CERCAM: variants seen among roughly 807,000 people sequenced by gnomAD.
CERCAM encodes inactive glycosyltransferase 25 family member 3.
Under a neutral mutation model 66.0 loss-of-function variants are expected in CERCAM, and 59 were observed. That is an observed-to-expected ratio of 0.89 (90% CI 0.73 to 1.11). The LOEUF (loss-of-function observed/expected upper bound fraction) is 1.11. Ranked by LOEUF, CERCAM falls within the 50% of genes most tolerant of loss-of-function variation. The pLI, the probability that CERCAM is intolerant of heterozygous loss-of-function variation, is 0.00. For synonymous variants in CERCAM, 318 were observed against 343.6 expected, an observed-to-expected ratio of 0.93 and a Z score of 0.83; for missense variants, 840 against 828.3, an observed-to-expected ratio of 1.01 and a Z score of -0.17.
rs1325770702 is a variant in CERCAM, at chr9:128,435,695, C to G, written c.1578C>G (p.Ala526=). ...KAHFWPRDLV[A]FSAQPLLAAP... is the part of the protein sequence containing the mutation. ...ACTTCTGGCCACGGGACCTGGTGGC[C>G]TTCTCCGCCCAGCCCCTGCTCGCTG... The change falls in exon 12 of 13, where the codon GCC becomes GCG. Residue 526 remains alanine, a synonymous_variant. Coordinates refer to ENST00000372838, the MANE Select transcript of CERCAM (RefSeq NM_016174.5). 6.2e-7 allele frequency: 1 copy of G among 1,613,856 alleles called. No individual in the cohort carries two copies. Among genetic ancestry groups the G allele is most frequent in the Admixed American group, 1.7e-5 (1 of 59,998 alleles).
chr9:128,421,824 G>GT (rs1036174759), intron 1 of CERCAM: 1 of 152,422 alleles, frequency 6.6e-6, no homozygotes, highest in African/African-American at 2.4e-5. Context: ...GGCTGGGGGG[G>GT]TGGAGCCCTG....
intron 1 of CERCAM, chr9:128,422,565 C>T (rs914950198): frequency 6.8e-6 from 2 of 293,380 alleles, no homozygotes; most frequent in Non-Finnish European, 1.3e-5. Context: ...AAGATTCCAT[C>T]TCAAAAAAAA....
rs1833775334 is a variant in CERCAM at position 128,423,992 on chromosome 9, G to A, written c.427-146G>A. 3 of 851,318 alleles carry A rather than the reference G, an allele frequency of 3.5e-6. No individual in the cohort carries two copies. The Admixed American group carries it at 7.0e-5, about 20-fold the overall frequency. 52.7% of individuals were successfully genotyped at this position (851,318 alleles called of 1,614,324 possible). On this transcript the variant is annotated intron_variant, in intron 3 of 12. Coordinates refer to ENST00000372838, the MANE Select transcript of CERCAM (RefSeq NM_016174.5). ...AGACTAGAGCCTTGGTCCAGAAACAGATGTACTGAGTTTGTGAGACCTCTG... is the reference window on the plus strand; with the variant it reads ...AGACTAGAGCCTTGGTCCAGAAACAAATGTACTGAGTTTGTGAGACCTCTG...
In CERCAM at chr9:128,435,000, A is replaced by G. The variant is rs1834075211; in HGVS notation, c.1535+387A>G. ...CTAATTTTTATTTATTTATTTATTT[A>G]TTTATTTATTTTTGAGATGGAGTTT... On this transcript the variant is annotated intron_variant, in intron 11 of 12. Transcript: ENST00000372838. The surrounding 1 kb of genome is among the most constrained non-coding windows in gnomAD (Gnocchi z 4.5). Among the ~76,000 whole-genome samples the G allele has an allele frequency of 6.7e-6, 1 of 148,642 alleles. No individual in the cohort carries two copies. Among genetic ancestry groups the G allele is most frequent in the South Asian group, 2.2e-4 (1 of 4,648 alleles).
intron 5 of CERCAM, among the ~76,000 whole-genome samples, chr9:128,426,090 C>T (rs1833840289): frequency 6.6e-6 from 1 of 151,994 alleles, no homozygotes; most frequent in Non-Finnish European, 1.5e-5. Context: ...AGGCGTGAGC[C>T]ACCGCCCCCG....
At chr9:128,425,286 A>G in intron 5 of CERCAM, among the ~76,000 whole-genome samples, 1 of 147,438 alleles carries the variant, frequency 6.8e-6, no homozygotes, top group South Asian at 2.2e-4. Flanking sequence ...CGATCTCCTG[A>G]CCTCGTGATC....
chr9:128,422,766 G>C, intron 1 of CERCAM, 102 bp from the exon 2 acceptor site: 1 of 1,335,900 alleles, frequency 7.5e-7, no homozygotes, highest in East Asian at 2.5e-5. Flanking sequence ...ACTGTTCCAA[G>C]GAGAGCTCGA....
At chr9:128,421,647 C>T (rs1833712413) in intron 1 of CERCAM, 3 of 510,244 alleles carry the variant, frequency 5.9e-6, no homozygotes, top group South Asian at 1.7e-4. Flanking sequence ...AAGGGCAGTC[C>T]CCCTTCCTGG....
chr9:128,434,204 G>A lies in CERCAM; in HGVS notation c.1306G>A (p.Ala436Thr). ...RLERLMEDVE[A>T]EKLSWDLIYL... ...GGAGCGGCTGATGGAGGATGTGGAG[G>A]CAGAGAAACTGTCTTGGGACCTGAT... Residue 436 changes from alanine (A) to threonine (T), a missense_variant, in exon 10 of 13, where the codon GCA becomes ACA. Transcript: ENST00000372838. The surrounding 1 kb of genome is among the most constrained non-coding windows in gnomAD (Gnocchi z 4.5). 1 of 1,614,132 alleles carries A rather than the reference G, an allele frequency of 6.2e-7. No individual in the cohort carries two copies. The highest frequency in any genetic ancestry group is 8.5e-7 in the Non-Finnish European group (1 of 1,180,020).
chr9:128,434,259 G>A lies in CERCAM; in HGVS notation c.1331+30G>A. On this transcript the variant is annotated intron_variant, in intron 10 of 12. Transcript: ENST00000372838. This position sits in a 1 kb window ranked among gnomAD's most constrained non-coding sequence, Gnocchi z 4.5. ...GCAGCCTGCACCCTCAGGGACAAGG[G>A]GGCAGGGTGGGCCTCCGGAGTCTGC... 5 of 1,612,958 alleles carry A rather than the reference G, an allele frequency of 3.1e-6. No individual in the cohort carries two copies. Among genetic ancestry groups the A allele is most frequent in the Non-Finnish European group, 3.4e-6 (4 of 1,179,354 alleles).
intron 8 of CERCAM, 72 bp from the exon 9 acceptor site, chr9:128,431,099 A>G: frequency 2.6e-6 from 4 of 1,550,346 alleles, no homozygotes; most frequent in South Asian, 1.2e-5. Context: ...TGTCCCCAAC[A>G]TGCACAGGCC....
At chr9:128,429,609 T>G (rs1287536334) in intron 8 of CERCAM, among the ~76,000 whole-genome samples, 1 of 152,078 alleles carries the variant, frequency 6.6e-6, no homozygotes, top group Non-Finnish European at 1.5e-5. Flanking sequence ...TCTTTTTATT[T>G]TTTTTTTAGA....
chr9:128,421,227 CAG>C, intron 1 of CERCAM, 153 bp downstream of exon 1: 1 of 1,237,068 alleles, frequency 8.1e-7, no homozygotes, highest in Non-Finnish European at 1.0e-6. Flanking sequence ...CCCGAGCCGC[CAG>C]AGAGGACCCC....
chr9:128,424,392 A>G lies in CERCAM; in HGVS notation c.562-18A>G, dbSNP rs1257828545. 1.2e-6 allele frequency: 2 copies of G among 1,613,754 alleles called. No individual in the cohort carries two copies. Among genetic ancestry groups the G allele is most frequent in the East Asian group, 4.5e-5 (2 of 44,898 alleles). Reference sequence around the variant, plus strand: ...GCAGGGGAGCCCTCTCACAGCCCAAAGCATCCCTTTTCCCCAGGGCTACTA... The same window carrying G: ...GCAGGGGAGCCCTCTCACAGCCCAAGGCATCCCTTTTCCCCAGGGCTACTA... On this transcript the variant is annotated intron_variant, in intron 4 of 12. Transcript: ENST00000372838.
At chr9:128,432,832 A>G (rs1834006453) in intron 9 of CERCAM, among the ~76,000 whole-genome samples, 1 of 144,256 alleles carries the variant, frequency 6.9e-6, no homozygotes, top group Non-Finnish European at 1.5e-5. Context: ...CCCCCCACCC[A>G]GCCCAGCTTC....
intron 6 of CERCAM, 63 bp downstream of exon 6, chr9:128,428,484 CCTTT>C: frequency 6.3e-7 from 1 of 1,593,528 alleles, no homozygotes; most frequent in Non-Finnish European, 8.6e-7. Context: ...CCACGGTGCC[CCTTT>C]CCCTAGGCCC....
chr9:128,428,188 G>A, intron 5 of CERCAM, 114 bp from the exon 6 acceptor site: 1 of 1,267,592 alleles, frequency 7.9e-7, no homozygotes, highest in Non-Finnish European at 1.1e-6. Context: ...GGGAAACTGA[G>A]TCCCAGAGAA....
chr9:128,435,702 G>C lies in CERCAM; in HGVS notation c.1585G>C (p.Ala529Pro), dbSNP rs770509829. ...GCCACGGGACCTGGTGGCCTTCTCC[G>C]CCCAGCCCCTGCTCGCTGCCCCTAC... ...FWPRDLVAFS[A>P]QPLLAAPTHY... The change falls in exon 12 of 13, where the codon GCC becomes CCC. Residue 529 changes from alanine to proline, a missense_variant. Coordinates refer to ENST00000372838, the MANE Select transcript of CERCAM (RefSeq NM_016174.5). 1 of 1,613,704 alleles carries C rather than the reference G, an allele frequency of 6.2e-7. No individual in the cohort carries two copies. Among genetic ancestry groups the C allele is most frequent in the Non-Finnish European group, 8.5e-7 (1 of 1,179,964 alleles).
rs1346291930 is a variant in CERCAM, at chr9:128,421,142, C to G, written c.197+68C>G. ...CAGCTTCGCAGATGGCCCCCGCCCC[C>G]GGCGGCCCTGTCTGCTCGCTCCCTG... On this transcript the variant is annotated intron_variant, in intron 1 of 12. Transcript: ENST00000372838. 46 of 1,260,522 alleles carry G rather than the reference C, an allele frequency of 3.6e-5. No individual in the cohort carries two copies. The East Asian group carries it at 6.6e-4, about 18-fold the overall frequency. 78.1% of individuals were successfully genotyped at this position (1,260,522 alleles called of 1,614,324 possible).
Sources: allele counts gnomAD v4.1 joint callset (sites outside exome capture counted in the v4.1 genomes callset), GRCh38; gene constraint gnomAD v4.1.1; non-coding constraint Gnocchi (gnomAD v3.1); transcripts MANE v1.5; gene names NCBI Gene and HGNC (gene_info 2026-07-23, HGNC 2026-07-21).